Variants in EFL1 observed in about 807,000 individuals in gnomAD.
EFL1 encodes the protein elongation factor-like GTPase 1.
A neutral mutation model predicts 126.7 loss-of-function variants in EFL1; 76 were observed. That is an observed-to-expected ratio of 0.60 (90% CI 0.50 to 0.73). The LOEUF is 0.73. EFL1 is among the 30% of genes least tolerant of loss of function. EFL1 has a pLI of 0.00. For synonymous variants in EFL1, 410 were observed against 448.4 expected, an observed-to-expected ratio of 0.91 and a Z score of 1.08; for missense variants, 1,128 against 1,343.2, an observed-to-expected ratio of 0.84 and a Z score of 2.50.
At chr15:82,157,544 G>A in intron 17 of EFL1, 169 bp downstream of exon 17, 1 of 764,706 alleles carries the variant, frequency 1.3e-6, no homozygotes, top group Non-Finnish European at 1.9e-6. Context: ...CCATTTTTCA[G>A]TTATTAAAAA....
intron 15 of EFL1, among the ~76,000 whole-genome samples, chr15:82,199,363 C>T (rs567040467): frequency 4.7e-4 from 72 of 152,222 alleles, no homozygotes; most frequent in Non-Finnish European, 8.2e-4. Context: ...CACAAATATC[C>T]GAGAGTAAGA....
At chr15:82,189,742 C>G (rs1595971446) in intron 15 of EFL1, among the ~76,000 whole-genome samples, 1 of 152,172 alleles carries the variant, frequency 6.6e-6, no homozygotes, top group East Asian at 1.9e-4. Context: ...AACACACACA[C>G]ACACATATAC....
chr15:82,131,516 A>G (rs1269734775), intron 19 of EFL1, among the ~76,000 whole-genome samples: 1 of 152,186 alleles, frequency 6.6e-6, no homozygotes, highest in Non-Finnish European at 1.5e-5. Flanking sequence ...GGAAAAATGC[A>G]GCAAAATGTT....
chr15:82,151,113 A>C (rs574297851), intron 18 of EFL1, among the ~76,000 whole-genome samples: 1 of 152,338 alleles, frequency 6.6e-6, no homozygotes, highest in Admixed American at 6.5e-5. Flanking sequence ...TGCCAGGTGC[A>C]GTGGCTCACG....
chr15:82,146,265 A>T (rs2073844807), intron 18 of EFL1, among the ~76,000 whole-genome samples: 1 of 152,214 alleles, frequency 6.6e-6, no homozygotes, highest in Non-Finnish European at 1.5e-5. Flanking sequence ...AAAAAGACTA[A>T]GGAAATTCAT....
Position 82,152,025 on chromosome 15 carries a change from T to C in EFL1, c.2429A>G (p.His810Arg). 1 of 1,614,158 alleles carries C rather than the reference T, an allele frequency of 6.2e-7. No homozygotes were observed. The highest frequency in any genetic ancestry group is 1.6e-4 in the Middle Eastern group (1 of 6,062). ...IWEFKGKLEQHLTGRRWRNIV... is the reference protein window; with the variant it reads ...IWEFKGKLEQRLTGRRWRNIV... The stretch of plus-strand genomic sequence containing the variant: ...GTTCCTCCATCTTCTCCCTGTTAGG[T>C]GTTGCTCCAGTTTTCCTTTGAATTC... Residue 810 changes from histidine to arginine, a missense_variant, in exon 18 of 20, where the codon CAC (histidine) becomes CGC (arginine). By Grantham distance (29) the His-to-Arg change is conservative. This residue lies in a region of EFL1 where 561 missense variants were observed against 641.7 expected (regional missense o/e 0.87). Transcript: ENST00000268206.
intron 16 of EFL1, among the ~76,000 whole-genome samples, chr15:82,159,385 C>A (rs1458027183): frequency 6.6e-6 from 1 of 151,844 alleles, no homozygotes; most frequent in Non-Finnish European, 1.5e-5. Context: ...AAGATGAGAT[C>A]CCAACAAATA....
At chr15:82,179,993 G>A (rs914777509) in intron 15 of EFL1, among the ~76,000 whole-genome samples, 6 of 152,064 alleles carry the variant, frequency 3.9e-5, no homozygotes, top group Non-Finnish European at 8.8e-5. Context: ...AACTAACATT[G>A]ACTGGAACTA....
In EFL1 at chr15:82,190,110, T is replaced by TAA. The variant is rs76997618; in HGVS notation, c.1750+24605_1750+24606dup. ...TGGGCAACAGAGTGAGACTCTGTCT[T>TAA]AAAAAAAAAAAAAAAAAAATTCATG... On this transcript the variant is annotated intron_variant, in intron 15 of 19. Transcript: ENST00000268206. Among the ~76,000 whole-genome samples the TAA allele has an allele frequency of 1.3e-3, 184 of 136,848 alleles. 1 individual carries two copies. Among genetic ancestry groups the TAA allele is most frequent in the African/African-American group, 3.1e-3 (113 of 36,842 alleles). The allele number at this position is 136,848 out of a possible 152,430, so 89.8% of individuals were successfully genotyped here.
At chr15:82,251,431 GA>G (rs923748539) in intron 4 of EFL1, among the ~76,000 whole-genome samples, 8 of 152,280 alleles carry the variant, frequency 5.3e-5, no homozygotes, top group Non-Finnish European at 8.8e-5. Flanking sequence ...GGACTCAAGG[GA>G]GGGGGACTAG....
chr15:82,225,648 G>A (rs1339232210), intron 11 of EFL1, among the ~76,000 whole-genome samples: 1 of 152,128 alleles, frequency 6.6e-6, no homozygotes, highest in East Asian at 1.9e-4. Context: ...AATCAACAAG[G>A]TAGCTTGTTA....
At chr15:82,254,464 G>GA (rs35980181) in intron 3 of EFL1, among the ~76,000 whole-genome samples, 147 of 146,012 alleles carry the variant, frequency 1.0e-3, no homozygotes, top group African/African-American at 3.1e-3. Flanking sequence ...ATTTCAAAAG[G>GA]AAAAAAAAAA....
intron 15 of EFL1, among the ~76,000 whole-genome samples, chr15:82,171,503 A>G (rs771356467): frequency 6.6e-6 from 1 of 152,216 alleles, no homozygotes; most frequent in African/African-American, 2.4e-5. Flanking sequence ...AGCCAATGAA[A>G]TGTGAAAAAT....
At position 82,227,481 on chromosome 15, in the gene EFL1, A is replaced by G. The variant is rs1595995787; in HGVS notation, c.1161T>C (p.Ser387=). Residue 387 remains serine, a synonymous_variant, in exon 11 of 20, where the codon TCT becomes TCC. Transcript: ENST00000268206. ...TCAGTGCTTGAGTTTCTGGTGGAAA[A>G]GAGTCAAAAGTTTGTGATCCTGTGC... ...LMCTGSQTFD[S]FPPETQALKA... 9 of 1,614,136 alleles carry G rather than the reference A, an allele frequency of 5.6e-6. No individual in the cohort carries two copies. The highest frequency in any genetic ancestry group is 6.8e-6 in the Non-Finnish European group (8 of 1,179,990).
At chr15:82,132,655 C>T (rs2073666017) in intron 19 of EFL1, among the ~76,000 whole-genome samples, 1 of 104,714 alleles carries the variant, frequency 9.5e-6, no homozygotes, top group Non-Finnish European at 1.7e-5. Context: ...CAACAAGGGG[C>T]AGAAAAGGAG....
At chr15:82,230,533 C>G (rs1289858601) in intron 8 of EFL1, among the ~76,000 whole-genome samples, 1 of 151,478 alleles carries the variant, frequency 6.6e-6, no homozygotes, top group Non-Finnish European at 1.5e-5. Flanking sequence ...GTGACAGGGA[C>G]AAACAAATGC....
chr15:82,176,515 G>A (rs2074197603), intron 15 of EFL1, among the ~76,000 whole-genome samples: 1 of 152,020 alleles, frequency 6.6e-6, no homozygotes, highest in African/African-American at 2.4e-5. Context: ...TCTATAAGTG[G>A]GTAAAGACTT....
chr15:82,238,713 A>T (rs998829406), intron 6 of EFL1, among the ~76,000 whole-genome samples, 192 bp from the exon 7 acceptor site: 1 of 152,162 alleles, frequency 6.6e-6, no homozygotes, highest in African/African-American at 2.4e-5. Flanking sequence ...ACTCAGCATA[A>T]CTAAATTATA....
At chr15:82,155,179 G>C (rs2073954482) in intron 17 of EFL1, among the ~76,000 whole-genome samples, 2 of 152,012 alleles carry the variant, frequency 1.3e-5, no homozygotes, top group Admixed American at 1.3e-4. Context: ...AAATGTTTGA[G>C]TTGTTTCCAA....
Sources: gnomAD v4.1 joint callset for allele counts (sites outside exome capture counted in the v4.1 genomes callset) on GRCh38, gnomAD v4.1.1 for gene constraint, gnomAD v4.1.1 regional missense constraint, MANE v1.5 for transcripts, NCBI Gene and HGNC (gene_info 2026-07-23, HGNC 2026-07-21) for gene names.